MKLN1: variants seen among roughly 807,000 people sequenced by gnomAD.
MKLN1 encodes the protein muskelin 1.
In MKLN1, 18 loss-of-function variants were observed where a neutral mutation model predicts 99.0. The observed-to-expected ratio is 0.18, with a 90% CI of 0.13 to 0.27. The LOEUF is 0.27. Ranked by LOEUF, MKLN1 falls within the 10% of genes least tolerant of loss-of-function variation. The pLI is 1.00. For missense variants in MKLN1, 621 were observed against 875.9 expected (o/e 0.71, Z 3.67); for synonymous variants, 288 against 293.2 (o/e 0.98, Z 0.18).
chr7:131,299,112 GATC>G (rs1798338295), intron 3 of MKLN1, among the ~76,000 whole-genome samples: 1 of 152,146 alleles, frequency 6.6e-6, no homozygotes, highest in African/African-American at 2.4e-5. Flanking sequence ...CACACACAGG[GATC>G]ATTATTGTAG....
chr7:131,164,251 A>T (rs1234055225), intron 2 of MKLN1, among the ~76,000 whole-genome samples: 2 of 152,150 alleles, frequency 1.3e-5, no homozygotes, highest in South Asian at 2.1e-4. Flanking sequence ...AGCTGGGACT[A>T]CAGGCACACA....
rs574627976 is a variant in MKLN1 at position 131,383,381 on chromosome 7, T to A, written c.169-3739T>A. On this transcript the variant is annotated intron_variant, in intron 2 of 17. Coordinates refer to ENST00000352689, the MANE Select transcript of MKLN1 (RefSeq NM_013255.5). ...TTGAGGAAAGCCTATTTAGCTTCTT[T>A]GAGGTTGAAAGCCCAATCCCAATTA... is the stretch of plus-strand genomic sequence containing the variant. 1.3e-3 allele frequency among the ~76,000 whole-genome samples: 192 copies of A among 152,304 alleles called. 1 individual carries two copies. The highest frequency in any genetic ancestry group is 4.2e-3 in the African/African-American group (175 of 41,562).
chr7:131,280,649 A>T (rs1176507347), intron 3 of MKLN1, among the ~76,000 whole-genome samples: 1 of 147,468 alleles, frequency 6.8e-6, no homozygotes. Flanking sequence ...TTTTCTTTTA[A>T]TTTTTTTTTT....
In MKLN1 at chr7:131,349,201, CT is replaced by C. The variant is rs11462857; in HGVS notation, c.98+21216del. Among the ~76,000 whole-genome samples, 16 of 148,158 alleles carry C rather than the reference CT, an allele frequency of 1.1e-4. 1 individual carries two copies. Among genetic ancestry groups the C allele is most frequent in the Middle Eastern group, 7.0e-3 (2 of 286 alleles). ...AAGCAGTTTGATCTCTTAAATCTAT[CT>C]TTTTTTTTTTTGAGACAGAGTCTTG... On this transcript the variant is annotated intron_variant, in intron 1 of 17. Transcript: ENST00000352689.
At chr7:131,472,982 G>A (rs940999398) in intron 16 of MKLN1, among the ~76,000 whole-genome samples, 2 of 149,548 alleles carry the variant, frequency 1.3e-5, no homozygotes, top group Admixed American at 6.7e-5. Context: ...AAAACACCAT[G>A]CCCTCACCCT....
At chr7:131,232,467 G>T (rs1054521832) in intron 3 of MKLN1, among the ~76,000 whole-genome samples, 1 of 152,122 alleles carries the variant, frequency 6.6e-6, no homozygotes, top group African/African-American at 2.4e-5. Flanking sequence ...TATAACATTG[G>T]AATAAGCTTG....
chr7:131,214,996 A>G (rs1385271714), intron 3 of MKLN1, among the ~76,000 whole-genome samples: 1 of 152,314 alleles, frequency 6.6e-6, no homozygotes, highest in Non-Finnish European at 1.5e-5. Context: ...TAAATGTTGT[A>G]TGTGATAAAT....
chr7:131,420,095 C>T (rs1034861678), intron 8 of MKLN1, among the ~76,000 whole-genome samples: 1 of 151,532 alleles, frequency 6.6e-6, no homozygotes. Flanking sequence ...TGCTAAATGA[C>T]GAGTTGATGG....
chr7:131,198,275 C>T (rs1796678143), intron 2 of MKLN1, among the ~76,000 whole-genome samples: 1 of 152,178 alleles, frequency 6.6e-6, no homozygotes, highest in South Asian at 2.1e-4. Context: ...TACCTAGGAA[C>T]CTTGTCTTAA....
At chr7:131,465,407 G>A (rs1796629972) in intron 14 of MKLN1, among the ~76,000 whole-genome samples, 2 of 152,118 alleles carry the variant, frequency 1.3e-5, no homozygotes, top group Admixed American at 6.5e-5. Flanking sequence ...TAATGTAATA[G>A]TGAAATCATT....
intron 12 of MKLN1, among the ~76,000 whole-genome samples, chr7:131,458,387 T>C (rs1454594234): frequency 6.6e-6 from 1 of 152,202 alleles, no homozygotes; most frequent in Non-Finnish European, 1.5e-5. Flanking sequence ...TAGAAGTATG[T>C]GATAAATGAT....
chr7:131,478,949 G>A, intron 17 of MKLN1: 1 of 476,202 alleles, frequency 2.1e-6, no homozygotes, highest in Non-Finnish European at 3.7e-6. Flanking sequence ...AAATTAATTT[G>A]TATAGCACTG....
At chr7:131,121,388 A>G (rs1258410668) in intron 1 of MKLN1, among the ~76,000 whole-genome samples, 1 of 152,152 alleles carries the variant, frequency 6.6e-6, no homozygotes, top group African/African-American at 2.4e-5. Flanking sequence ...TTGTACAGCC[A>G]GCAGAACCAA....
intron 4 of MKLN1, among the ~76,000 whole-genome samples, chr7:131,394,966 C>T (rs1348808312): frequency 1.3e-5 from 2 of 152,018 alleles, no homozygotes; most frequent in Admixed American, 6.6e-5. Context: ...TTACACAGAT[C>T]TCCCAAATGT....
At chr7:131,310,526 A>G (rs192981) in intron 3 of MKLN1, 2 of 152,222 alleles carry the variant, frequency 1.3e-5, no homozygotes, top group Non-Finnish European at 2.9e-5. Context: ...AAATAAAACA[A>G]TGAGAGATAC....
intron 2 of MKLN1, among the ~76,000 whole-genome samples, chr7:131,161,612 T>C (rs1465280958): frequency 2.6e-5 from 4 of 152,134 alleles, no homozygotes; most frequent in Non-Finnish European, 5.9e-5. Context: ...AGTGCAGTGG[T>C]GCGATCTCGG....
intron 3 of MKLN1, among the ~76,000 whole-genome samples, chr7:131,253,400 C>G (rs1445383478): frequency 2.0e-5 from 3 of 152,190 alleles, no homozygotes; most frequent in African/African-American, 7.2e-5. Flanking sequence ...AGGCTAAGTC[C>G]TAGGCAAGTG....
At chr7:131,380,679 TAA>T (rs1425281782) in intron 2 of MKLN1, among the ~76,000 whole-genome samples, 1 of 152,178 alleles carries the variant, frequency 6.6e-6, no homozygotes, top group East Asian at 1.9e-4. Flanking sequence ...TCAAATCACT[TAA>T]GAGGATACTC....
chr7:131,459,232 G>A (rs1044248453), intron 12 of MKLN1, among the ~76,000 whole-genome samples: 2 of 152,204 alleles, frequency 1.3e-5, no homozygotes, highest in African/African-American at 4.8e-5. Context: ...GAATGGGGCA[G>A]GACCCTGCTA....
Sources: allele counts gnomAD v4.1 joint callset (sites outside exome capture counted in the v4.1 genomes callset), GRCh38; gene constraint gnomAD v4.1.1; transcripts MANE v1.5; gene names NCBI Gene and HGNC (gene_info 2026-07-23, HGNC 2026-07-21).